Variants in ROBO1 observed in about 807,000 individuals in gnomAD.
ROBO1 encodes the protein roundabout guidance receptor 1, also known as roundabout homolog 1.
ROBO1 carries 149 observed loss-of-function variants against 195.9 expected under a neutral mutation model. The observed-to-expected ratio is 0.76, with a 90% CI of 0.67 to 0.87. ROBO1 has a LOEUF of 0.87. ROBO1 is among the 40% of genes least tolerant of loss of function. The probability of loss-of-function intolerance (pLI) is 0.00; values close to 1 mark genes in which losing one functional copy is unlikely to be tolerated. For synonymous variants in ROBO1, 816 were observed against 733.2 expected (o/e 1.11, Z -1.82); for missense variants, 1,933 against 2,068.3 (o/e 0.93, Z 1.27).
chr3:78,824,081 A>G (rs1299200320), intron 4 of ROBO1, among the ~76,000 whole-genome samples: 4 of 152,156 alleles, frequency 2.6e-5, no homozygotes. Context: ...TGAACTAGGA[A>G]TTATTTGTTT....
intron 1 of ROBO1, among the ~76,000 whole-genome samples, chr3:79,594,715 T>G (rs931275367): frequency 6.6e-6 from 1 of 151,998 alleles, no homozygotes; most frequent in Non-Finnish European, 1.5e-5. Flanking sequence ...GCCACATCAT[T>G]GGGTGAGATG....
At chr3:79,306,394 G>A (rs1559805698) in intron 2 of ROBO1, among the ~76,000 whole-genome samples, 1 of 150,888 alleles carries the variant, frequency 6.6e-6, no homozygotes, top group Non-Finnish European at 1.5e-5. Flanking sequence ...TTTTTTTTTA[G>A]CATTTAATAG....
chr3:78,891,879 A>G (rs934522999), intron 4 of ROBO1, among the ~76,000 whole-genome samples: 4 of 152,216 alleles, frequency 2.6e-5, no homozygotes, highest in African/African-American at 9.6e-5. Flanking sequence ...AGCTAAAGAA[A>G]AGGCAAAACT....
At position 79,232,645 on chromosome 3, in the gene ROBO1, A is replaced by T. The variant is rs543519655; in HGVS notation, c.89-107106T>A. Among the ~76,000 whole-genome samples the T allele has an allele frequency of 3.9e-5, 6 of 152,222 alleles. No individual in the cohort carries two copies. In the South Asian group the frequency reaches 1.2e-3, roughly 32 times the overall value. On this transcript the variant is annotated intron_variant, in intron 2 of 30. Coordinates refer to ENST00000464233, the MANE Select transcript of ROBO1 (RefSeq NM_002941.4). ...GAGAGAAAAATAAATCCCATCCACAAATGAAAGATTATTCAACTTTCCATC... is the reference window on the plus strand; with the variant it reads ...GAGAGAAAAATAAATCCCATCCACATATGAAAGATTATTCAACTTTCCATC...
intron 4 of ROBO1, among the ~76,000 whole-genome samples, chr3:78,812,491 A>G (rs1209580973): frequency 1.3e-5 from 2 of 152,106 alleles, no homozygotes; most frequent in Non-Finnish European, 2.9e-5. Flanking sequence ...ATCTTCACTC[A>G]AATGTCACAT....
chr3:79,354,171 C>T (rs1030693255), intron 2 of ROBO1, among the ~76,000 whole-genome samples: 1 of 152,164 alleles, frequency 6.6e-6, no homozygotes. Context: ...TAACAACTGG[C>T]CAGTTTATTG....
chr3:78,827,967 A>G (rs1203175831), intron 4 of ROBO1, among the ~76,000 whole-genome samples: 1 of 152,246 alleles, frequency 6.6e-6, no homozygotes, highest in Non-Finnish European at 1.5e-5. Context: ...CCGAGTAGAC[A>G]CATAATATTA....
At chr3:79,180,907 A>T (rs1202688378) in intron 2 of ROBO1, among the ~76,000 whole-genome samples, 1 of 152,162 alleles carries the variant, frequency 6.6e-6, no homozygotes, top group East Asian at 1.9e-4. Context: ...CACTTTCCTG[A>T]GAACATCTTG....
In ROBO1 at chr3:78,597,844, A is replaced by AAAAC. The variant is rs1426414436; in HGVS notation, c.*1065_*1068dup. The AAAAC allele has an allele frequency of 6.6e-6, 1 of 152,262 alleles. No individual in the cohort carries two copies. The highest frequency in any genetic ancestry group is 1.5e-5 in the Non-Finnish European group (1 of 67,990). 9.4% of individuals were successfully genotyped at this position (152,262 alleles called of 1,614,324 possible). On this transcript the variant is annotated 3_prime_UTR_variant, in exon 31 of 31. Transcript: ENST00000464233. ...CCAAATACAAACATAGAGCATTAAC[A>AAAAC]AAACAGGTTAAAAACGCTTCTCAAC...
chr3:79,429,590 T>C (rs2038593395), intron 2 of ROBO1, among the ~76,000 whole-genome samples: 3 of 152,156 alleles, frequency 2.0e-5, no homozygotes, highest in Non-Finnish European at 4.4e-5. Context: ...TAACTGGCAC[T>C]GAGCTAAACA....
intron 8 of ROBO1, among the ~76,000 whole-genome samples, chr3:78,705,127 T>C (rs1230868957): frequency 2.0e-5 from 3 of 152,212 alleles, no homozygotes; most frequent in Admixed American, 6.5e-5. Context: ...TCAGGAAATT[T>C]AGCAGCATTG....
intron 4 of ROBO1, among the ~76,000 whole-genome samples, chr3:78,829,181 G>C (rs1479320284): frequency 6.6e-6 from 1 of 152,074 alleles, no homozygotes; most frequent in Non-Finnish European, 1.5e-5. Flanking sequence ...TAATTACATT[G>C]TCTAATTTAA....
intron 1 of ROBO1, among the ~76,000 whole-genome samples, chr3:79,738,894 C>T (rs73126753): frequency 6.6e-5 from 10 of 152,082 alleles, no homozygotes; most frequent in Non-Finnish European, 1.5e-4. Context: ...AGGGGCAGTC[C>T]AATGTGATAC....
At chr3:79,610,199 G>A (rs924492790) in intron 1 of ROBO1, among the ~76,000 whole-genome samples, 17 of 151,782 alleles carry the variant, frequency 1.1e-4, no homozygotes, top group African/African-American at 3.4e-4. Flanking sequence ...CAGTGGATGC[G>A]CAAAACCATG....
In ROBO1 at chr3:79,004,231, C is replaced by T. The variant is rs115907503; in HGVS notation, c.173-65304G>A. Among the ~76,000 whole-genome samples the T allele has an allele frequency of 6.4e-3, 978 of 152,006 alleles. 8 individuals are homozygous for T. Among genetic ancestry groups the T allele is most frequent in the Non-Finnish European group, 8.3e-3 (567 of 67,958 alleles). ...TTTTAAACATGGGGATGTAAATTTG[C>T]GATATTTGGCAATTTTGGTATTTCT... On this transcript the variant is annotated intron_variant, in intron 3 of 30. Transcript: ENST00000464233.
intron 4 of ROBO1, among the ~76,000 whole-genome samples, chr3:78,833,731 GTAAA>G (rs2032444173): frequency 6.6e-6 from 1 of 152,032 alleles, no homozygotes; most frequent in African/African-American, 2.4e-5. Flanking sequence ...GGTGCTTATG[GTAAA>G]TAAAGGTGGA....
chr3:79,076,542 T>C (rs1659714236), intron 3 of ROBO1, among the ~76,000 whole-genome samples: 1 of 151,566 alleles, frequency 6.6e-6, no homozygotes, highest in African/African-American at 2.4e-5. Flanking sequence ...ATCTGGAGAA[T>C]AGTATGATAC....
intron 2 of ROBO1, among the ~76,000 whole-genome samples, chr3:79,508,436 T>C (rs1395223773): frequency 6.6e-6 from 1 of 152,160 alleles, no homozygotes; most frequent in Non-Finnish European, 1.5e-5. Context: ...ACAAATTTCT[T>C]TGGCTTAAAA....
intron 1 of ROBO1, among the ~76,000 whole-genome samples, chr3:79,731,860 G>T (rs1703160179): frequency 6.6e-6 from 1 of 152,116 alleles, no homozygotes; most frequent in African/African-American, 2.4e-5. Flanking sequence ...GTTTGTAGGT[G>T]AAATAAGTTT....
Sources: allele counts gnomAD v4.1 joint callset (sites outside exome capture counted in the v4.1 genomes callset), GRCh38; gene constraint gnomAD v4.1.1; transcripts MANE v1.5; gene names NCBI Gene and HGNC (gene_info 2026-07-23, HGNC 2026-07-21).